Variants in ERI2 observed in about 807,000 individuals in gnomAD.
The protein encoded by ERI2 is ERI1 exoribonuclease 2.
A neutral mutation model predicts 46.8 loss-of-function variants in ERI2; 35 were observed. That is an observed-to-expected ratio of 0.75 (90% CI 0.57 to 0.99). ERI2 has a LOEUF of 0.99. Ranked by LOEUF, ERI2 falls within the 50% of genes least tolerant of loss-of-function variation. The probability of loss-of-function intolerance (pLI) is 0.00; values close to 1 mark genes in which losing one functional copy is unlikely to be tolerated. For synonymous variants in ERI2, 224 were observed against 271.0 expected, an observed-to-expected ratio of 0.83 and a Z score of 1.70; for missense variants, 695 against 796.2, an observed-to-expected ratio of 0.87 and a Z score of 1.53.
Position 20,790,788 on chromosome 16 carries a change from C to A in ERI2, c.815+62G>T. 2 of 1,613,044 alleles carry A rather than the reference C, an allele frequency of 1.2e-6. No individual in the cohort carries two copies. Among genetic ancestry groups the A allele is most frequent in the South Asian group, 2.2e-5 (2 of 90,970 alleles). The stretch of plus-strand genomic sequence containing the variant: ...AACATACCTAGGATAGGTACTTGAC[C>A]CTTTCTTGAGAGATTGGTTGTCCTG... On this transcript the variant is annotated intron_variant, in intron 9 of 10. Coordinates refer to the ERI2 transcript ENST00000300005. The surrounding 1 kb of genome is among the most constrained non-coding windows in gnomAD (Gnocchi z 4.0).
At chr16:20,787,364 G>A (rs1376216919) in intron 10 of ERI2, among the ~76,000 whole-genome samples, 1 of 152,176 alleles carries the variant, frequency 6.6e-6, no homozygotes, top group Non-Finnish European at 1.5e-5. Context: ...TTTTAATTCA[G>A]AGACCCATCT....
downstream of ERI2, chr16:20,792,472 A>G: frequency 6.6e-7 from 1 of 1,504,386 alleles, no homozygotes; most frequent in East Asian, 2.4e-5. Context: ...TATGCTAGTC[A>G]GAAAGAACTG....
rs1304013246 is a variant in ERI2 at position 20,798,934 on chromosome 16, G to A, written c.866C>T (p.Pro289Leu). 6.4e-7 allele frequency: 1 copy of A among 1,550,990 alleles called. No homozygotes were observed. The highest frequency in any genetic ancestry group is 8.7e-7 in the Non-Finnish European group (1 of 1,146,824). Reference sequence around the variant, plus strand: ...TGACTTCATTTGAACTTTTTCATGAGGATTTATTATATTTTTAGGCTCCTT... The same window carrying A: ...TGACTTCATTTGAACTTTTTCATGAAGATTTATTATATTTTTAGGCTCCTT... ...YNKEPKNIIN[P>L]HEKVQMKSIC... The change falls in exon 9 of 9, where the codon CCT becomes CTT. Residue 289 changes from proline to leucine, a missense_variant. Transcript: ENST00000357967.
At chr16:20,781,101 C>T in intron 10 of ERI2, 1 of 1,614,104 alleles carries the variant, frequency 6.2e-7, no homozygotes, top group Non-Finnish European at 8.5e-7. Flanking sequence ...ACACCATTTA[C>T]CCCGTTTTGA....
At chr16:20,781,014 AC>A in intron 10 of ERI2, 2 of 1,614,166 alleles carry the variant, frequency 1.2e-6, no homozygotes, top group Non-Finnish European at 1.7e-6. Context: ...GATGTGGAAT[AC>A]CTCAGATACG....
chr16:20,799,475 G>T, intron 7 of ERI2, 124 bp from the exon 8 acceptor site: 1 of 867,678 alleles, frequency 1.2e-6, no homozygotes, highest in South Asian at 1.8e-5. Flanking sequence ...TTAGTTTTAT[G>T]ACCATCTACT....
intron 10 of ERI2, chr16:20,786,372 A>G: frequency 4.0e-6 from 4 of 988,254 alleles, no homozygotes; most frequent in Non-Finnish European, 5.4e-6. Context: ...ATACAGTTCT[A>G]AGCATTTAAT....
In ERI2 at chr16:20,796,697, C is replaced by T. The variant is rs915731574; in HGVS notation, c.*1027G>A. On this transcript the variant is annotated 3_prime_UTR_variant, in exon 9 of 9. Transcript: ENST00000357967. ...TTGGTCCTTTGGCTTACTGGACTCA[C>T]AGTAAATACTTAATATCAAGACAAC... is the stretch of plus-strand genomic sequence containing the variant. The T allele has an allele frequency of 3.4e-6, 5 of 1,480,386 alleles. No individual in the cohort carries two copies. Among genetic ancestry groups the T allele is most frequent in the Admixed American group, 5.6e-5 (2 of 35,550 alleles). The allele number at this position is 1,480,386 out of a possible 1,614,324, so 91.7% of individuals were successfully genotyped here.
chr16:20,806,012 C>T, intron 1 of ERI2: 1 of 1,140,342 alleles, frequency 8.8e-7, no homozygotes. Context: ...TTCTTTACAG[C>T]ACCGAGGAAC....
At chr16:20,795,192 GTTT>G, downstream of ERI2, among the ~76,000 whole-genome samples, 1 of 151,896 alleles carries the variant, frequency 6.6e-6, no homozygotes, top group African/African-American at 2.4e-5. Context: ...TGTTGTTGTT[GTTT>G]TTTTTCTTAG....
At position 20,801,276 on chromosome 16, in the gene ERI2, G is replaced by C; in HGVS notation, c.387C>G (p.Asn129Lys). 1 of 1,612,454 alleles carries C rather than the reference G, an allele frequency of 6.2e-7. No homozygotes were observed. The highest frequency in any genetic ancestry group is 8.5e-7 in the Non-Finnish European group (1 of 1,179,276). The change falls in exon 5 of 9, where the codon AAC (asparagine) becomes AAG (lysine). Residue 129 changes from asparagine (N) to lysine (K), a missense_variant. Asn to Lys is a moderately conservative substitution (Grantham distance 94). Coordinates refer to ENST00000357967, the MANE Select transcript of ERI2 (RefSeq NM_001142725.2). ...KWIHKIQQQKNIIFATGISEP... is the reference protein window; with the variant it reads ...KWIHKIQQQKKIIFATGISEP... ...CTGAAATCCCAGTAGCAAAAATAAT[G>C]TTCTTCTGTTGCTGAATCTTATGAA...
intron 7 of ERI2, 160 bp downstream of exon 7, chr16:20,799,797 T>C (rs16970680): frequency 3.8e-6 from 2 of 526,198 alleles, no homozygotes; most frequent in South Asian, 3.0e-5. Flanking sequence ...ATGAAAGTGG[T>C]AATTTGAAAG....
In ERI2 at chr16:20,797,293, T is replaced by A. The variant is rs2080741165; in HGVS notation, c.*431A>T. ...CATAGGTTTTCAAACTTTAGTTGAC[T>A]AATTCTTCTGATATGTTGATATACA... On this transcript the variant is annotated 3_prime_UTR_variant, in exon 9 of 9. Coordinates refer to ENST00000357967, the MANE Select transcript of ERI2 (RefSeq NM_001142725.2). 3.8e-6 allele frequency: 4 copies of A among 1,039,778 alleles called. No homozygotes were observed. Among genetic ancestry groups the A allele is most frequent in the Non-Finnish European group, 4.6e-6 (4 of 867,976 alleles). The allele number at this position is 1,039,778 out of a possible 1,614,324, so 64.4% of individuals were successfully genotyped here.
exon 11 of ERI2, chr16:20,780,302 G>C (rs1280088841): frequency 3.3e-6 from 1 of 299,790 alleles, no homozygotes; most frequent in African/African-American, 2.2e-5. Context: ...AACATGTATT[G>C]TATTAACATA....
intron 4 of ERI2, among the ~76,000 whole-genome samples, chr16:20,801,767 A>T (rs1899503077): frequency 1.3e-5 from 2 of 150,918 alleles, no homozygotes; most frequent in African/African-American, 4.9e-5. Context: ...TTTAAAATTT[A>T]TTTTTTTTTG....
exon 11 of ERI2, chr16:20,780,406 T>TA (rs2152467396): frequency 1.9e-6 from 1 of 523,194 alleles, no homozygotes; most frequent in South Asian, 2.3e-5. Context: ...ACAGACTCCT[T>TA]ACTCTGCTGG....
downstream of ERI2, chr16:20,792,145 A>G (rs1468098996): frequency 6.2e-7 from 1 of 1,614,092 alleles, no homozygotes; most frequent in Admixed American, 1.7e-5. Context: ...TTTCTTTTCC[A>G]TATGTGCATA....
chr16:20,784,995 A>T, intron 10 of ERI2: 1 of 1,611,882 alleles, frequency 6.2e-7, no homozygotes, highest in Non-Finnish European at 8.5e-7. Context: ...TATAAGTTTA[A>T]AAGCTTAAAG....
At chr16:20,786,011 T>C in intron 10 of ERI2, 1 of 1,094,606 alleles carries the variant, frequency 9.1e-7, no homozygotes, top group Non-Finnish European at 1.3e-6. Flanking sequence ...GTTGAATGAA[T>C]GCATGATAGA....
Sources: gnomAD v4.1 joint callset for allele counts (sites outside exome capture counted in the v4.1 genomes callset) on GRCh38, gnomAD v4.1.1 for gene constraint, Gnocchi (gnomAD v3.1) non-coding constraint, MANE v1.5 for transcripts, NCBI Gene and HGNC (gene_info 2026-07-23, HGNC 2026-07-21) for gene names.